Variants in DDX31 observed in about 807,000 individuals in gnomAD.
DDX31 encodes the protein ATP-dependent DNA helicase DDX31.
Under a neutral mutation model 91.3 loss-of-function variants are expected in DDX31, and 70 were observed. That is an observed-to-expected ratio of 0.77 (90% CI 0.63 to 0.94). DDX31 has a LOEUF of 0.94. Among genes scored for constraint, DDX31 ranks in the 40% least tolerant of loss-of-function variants. DDX31 has a pLI of 0.00. For missense variants in DDX31, 902 were observed against 925.0 expected (o/e 0.98, Z 0.32); for synonymous variants, 362 against 350.6 (o/e 1.03, Z -0.36).
rs76415863 is a variant in DDX31 at position 132,641,811 on chromosome 9, C to T, written c.1440+193G>A. On this transcript the variant is annotated intron_variant, in intron 14 of 19. Transcript: ENST00000372159. ...TGAGCAAATTGCCAAGTCTTCTGCA[C>T]GGTGGTGGCTGGCTATCTGCAGCCC... Among the ~76,000 whole-genome samples the T allele has an allele frequency of 4.4e-4, 67 of 152,294 alleles. No homozygotes were observed. The East Asian group carries it at 9.1e-3, about 21-fold the overall frequency.
Position 132,646,871 on chromosome 9 carries a change from G to C in DDX31, c.1155C>G (p.Ser385Arg), listed in dbSNP as rs1277178678. ...SLKQHVTVVPSKLRLVCLAAF... is the reference protein window; with the variant it reads ...SLKQHVTVVPRKLRLVCLAAF... ...CCGCTAGGCAGACAAGCCTCAGTTT[G>C]CTGGGAACCACAGTCACATGCTGCT... The change falls in exon 12 of 20, where the codon AGC becomes AGG. Residue 385 changes from serine (S) to arginine (R), a missense_variant. Physicochemically the swap from Ser to Arg is moderately radical, Grantham distance 110 (BLOSUM62 -1). Coordinates refer to ENST00000372159, the MANE Select transcript of DDX31 (RefSeq NM_022779.9). 1.9e-6 allele frequency: 3 copies of C among 1,614,040 alleles called. No individual in the cohort carries two copies. The highest frequency in any genetic ancestry group is 2.5e-6 in the Non-Finnish European group (3 of 1,180,036).
chr9:132,599,923 C>T (rs182734685), intron 19 of DDX31, among the ~76,000 whole-genome samples: 8 of 152,308 alleles, frequency 5.3e-5, no homozygotes, highest in African/African-American at 1.9e-4. Context: ...TCAGGTGGCC[C>T]GGGACTGACT....
At chr9:132,603,260 G>A (rs1402996034) in intron 19 of DDX31, among the ~76,000 whole-genome samples, 1 of 152,206 alleles carries the variant, frequency 6.6e-6, no homozygotes, top group Non-Finnish European at 1.5e-5. Context: ...TGACTATTAA[G>A]TAGTTAACAA....
chr9:132,658,110 G>A, intron 6 of DDX31: 1 of 558,212 alleles, frequency 1.8e-6, no homozygotes, highest in Admixed American at 3.0e-5. Context: ...CACCTTTATT[G>A]AGTGACCATT....
chr9:132,638,049 G>C, intron 14 of DDX31: 1 of 1,218,052 alleles, frequency 8.2e-7, no homozygotes, highest in Non-Finnish European at 1.0e-6. Context: ...GAGGAAAGCA[G>C]CACAGGTGAT....
At chr9:132,635,593 G>A (rs954898434) in intron 14 of DDX31, among the ~76,000 whole-genome samples, 1 of 149,394 alleles carries the variant, frequency 6.7e-6, no homozygotes, top group Non-Finnish European at 1.5e-5. Flanking sequence ...GTGAGCCACC[G>A]TGCCTGGCCT....
chr9:132,647,130 A>C, intron 11 of DDX31, 72 bp from the exon 12 acceptor site: 5 of 1,373,756 alleles, frequency 3.6e-6, no homozygotes, highest in Non-Finnish European at 5.1e-6. Flanking sequence ...GCGTACCCCC[A>C]TACAGCACCC....
At chr9:132,655,579 T>G (rs1194784644) in intron 6 of DDX31, among the ~76,000 whole-genome samples, 1 of 152,094 alleles carries the variant, frequency 6.6e-6, no homozygotes, top group Non-Finnish European at 1.5e-5. Flanking sequence ...TAAGGGAAAG[T>G]GGGAATAGAT....
At chr9:132,650,958 A>T in intron 8 of DDX31, 117 bp downstream of exon 8, 1 of 1,058,930 alleles carries the variant, frequency 9.4e-7, no homozygotes, top group Non-Finnish European at 1.4e-6. Flanking sequence ...GAGCAGAGAT[A>T]TCCAGGCAAA....
chr9:132,625,858 CACCTTCCT>C, intron 16 of DDX31, 113 bp from the exon 17 acceptor site: 1 of 697,678 alleles, frequency 1.4e-6, no homozygotes, highest in East Asian at 2.8e-5. Context: ...GTAGAAGTGA[CACCTTCCT>C]AGGAAAGGAA....
At position 132,651,169 on chromosome 9, in the gene DDX31, T is replaced by C. The variant is rs541223906; in HGVS notation, c.634-53A>G. 100 of 1,491,308 alleles carry C rather than the reference T, an allele frequency of 6.7e-5. No homozygotes were observed. In the African/African-American group the frequency reaches 1.2e-3, roughly 18 times the overall value. The allele number at this position is 1,491,308 out of a possible 1,614,324, so 92.4% of individuals were successfully genotyped here. A position where few individuals can be genotyped will look rare whatever the true frequency, so the allele number is the denominator to read the frequency against. On this transcript the variant is annotated intron_variant, in intron 7 of 19. Transcript: ENST00000372159. Reference sequence around the variant, plus strand: ...ATGAACAGGATCCCCCTTTTTTTTTTTTTAAAGACAATTTAATGTGATTAG... The same window carrying C: ...ATGAACAGGATCCCCCTTTTTTTTTCTTTAAAGACAATTTAATGTGATTAG...
At chr9:132,642,147 TCTC>T in intron 13 of DDX31, 84 bp from the exon 14 acceptor site, 1 of 1,199,958 alleles carries the variant, frequency 8.3e-7, no homozygotes, top group South Asian at 1.2e-5. Context: ...GCTCTCTCCA[TCTC>T]CTACTGCTAG....
chr9:132,594,966 C>T lies in DDX31; in HGVS notation c.2141G>A (p.Ser714Asn). Residue 714 changes from serine (S) to asparagine (N), a missense_variant, in exon 20 of 20, where the codon AGT (serine) becomes AAT (asparagine). Ser to Asn is a conservative substitution (Grantham distance 46). Transcript: ENST00000372159. The part of the protein sequence containing the change: ...GEPGGRPLQH[S>N]LQPTPCFGRG... Reference sequence around the variant, plus strand: ...GCCAAAGCAGGGTGTCGGCTGCAGACTGTGCTGCAGGGGCCGGCCACCAGG... The same window carrying T: ...GCCAAAGCAGGGTGTCGGCTGCAGATTGTGCTGCAGGGGCCGGCCACCAGG... 1 of 1,614,194 alleles carries T rather than the reference C, an allele frequency of 6.2e-7. No individual in the cohort carries two copies. The highest frequency in any genetic ancestry group is 8.5e-7 in the Non-Finnish European group (1 of 1,180,050).
chr9:132,656,110 A>T (rs17149417), intron 6 of DDX31, among the ~76,000 whole-genome samples: 3,362 of 152,270 alleles, frequency 0.022, 128 homozygotes, highest in African/African-American at 0.077. Flanking sequence ...TAAAAAAAAA[A>T]TCAGAGCCAA....
intron 1 of DDX31, among the ~76,000 whole-genome samples, chr9:132,666,387 AT>A (rs1284079208): frequency 6.6e-6 from 1 of 152,100 alleles, no homozygotes; most frequent in Admixed American, 6.5e-5. Flanking sequence ...AGTGATTCCA[AT>A]TTTGAGTTGT....
chr9:132,614,282 A>G (rs530825847), intron 18 of DDX31, among the ~76,000 whole-genome samples: 8 of 152,150 alleles, frequency 5.3e-5, no homozygotes, highest in Non-Finnish European at 1.0e-4. Context: ...CTACTCTTAA[A>G]TCTGTGCTTA....
At chr9:132,602,975 T>C (rs1306304112) in intron 19 of DDX31, among the ~76,000 whole-genome samples, 1 of 152,152 alleles carries the variant, frequency 6.6e-6, no homozygotes, top group Non-Finnish European at 1.5e-5. Context: ...GACACGGCCC[T>C]TGGCTGAGAG....
At chr9:132,598,738 T>C (rs1002616033) in intron 19 of DDX31, among the ~76,000 whole-genome samples, 4 of 152,268 alleles carry the variant, frequency 2.6e-5, no homozygotes, top group Admixed American at 2.0e-4. Flanking sequence ...ATTTTATTTA[T>C]GTACCGTTAA....
intron 14 of DDX31, 148 bp from the exon 15 acceptor site, chr9:132,632,239 TGTACACACACACACACACACACACAC>T (rs1325346365): frequency 0.052 from 2,769 of 53,460 alleles, 242 homozygotes; most frequent in Middle Eastern, 0.11. Context: ...GCCCAGTACG[TGTACACACACACACACACACACACAC>T]ACACACACAC....
Sources: gnomAD v4.1 joint callset for allele counts (sites outside exome capture counted in the v4.1 genomes callset) on GRCh38, gnomAD v4.1.1 for gene constraint, MANE v1.5 for transcripts, NCBI Gene and HGNC (gene_info 2026-07-23, HGNC 2026-07-21) for gene names.